Variants in AFF1 observed in about 807,000 individuals in gnomAD.
The protein encoded by AFF1 is AF4/FMR2 family member 1.
In AFF1, 48 loss-of-function variants were observed where a neutral mutation model predicts 121.7. The observed-to-expected ratio is 0.39, with a 90% confidence interval of 0.31 to 0.50. The LOEUF (loss-of-function observed/expected upper bound fraction) is 0.50, where lower values mean the gene tolerates loss of function less well. Among genes scored for constraint, AFF1 ranks in the 20% least tolerant of loss-of-function variants. AFF1 has a pLI of 0.76. For missense variants in AFF1, 1,523 were observed against 1,511.7 expected, an observed-to-expected ratio of 1.01 and a Z score of -0.12; for synonymous variants, 613 against 563.0, an observed-to-expected ratio of 1.09 and a Z score of -1.26.
At chr4:86,982,091 G>T (rs914178379) in intron 2 of AFF1, among the ~76,000 whole-genome samples, 165 of 152,306 alleles carry the variant, frequency 1.1e-3, no homozygotes, top group Non-Finnish European at 2.8e-4. Flanking sequence ...GCTGACTGTG[G>T]GAATGTGCAG....
chr4:86,948,392 T>G, intron 1 of AFF1, 106 bp from the exon 2 acceptor site: 1 of 695,640 alleles, frequency 1.4e-6, no homozygotes, highest in Non-Finnish European at 2.3e-6. Context: ...CTAATTCAAA[T>G]GAGAACTTGG....
intron 12 of AFF1, among the ~76,000 whole-genome samples, chr4:87,120,652 A>C (rs1727596341): frequency 6.6e-6 from 1 of 152,206 alleles, no homozygotes; most frequent in African/African-American, 2.4e-5. Flanking sequence ...CCGGTGAATA[A>C]GGTGGTTACC....
chr4:86,997,317 G>T (rs1725294205), intron 2 of AFF1, among the ~76,000 whole-genome samples: 1 of 152,176 alleles, frequency 6.6e-6, no homozygotes, highest in African/African-American at 2.4e-5. Flanking sequence ...CAGCAAGAAG[G>T]CTTTCACCAG....
At chr4:87,005,291 A>ATTCTGTTATACCATTGTATGG (rs1412317166) in intron 2 of AFF1, among the ~76,000 whole-genome samples, 37 of 152,176 alleles carry the variant, frequency 2.4e-4, no homozygotes, top group African/African-American at 8.2e-4. Context: ...CCCATGTATG[A>ATTCTGTTATACCATTGTATGG]TTCTGTTATA....
intron 1 of AFF1, chr4:86,935,731 G>A (rs537424458): frequency 6.6e-6 from 1 of 152,314 alleles, no homozygotes; most frequent in Non-Finnish European, 1.5e-5. Context: ...GCCGCGTCTC[G>A]CTGAGAGCAG....
At chr4:87,112,338 G>T (rs1426823389) in intron 11 of AFF1, among the ~76,000 whole-genome samples, 1 of 152,082 alleles carries the variant, frequency 6.6e-6, no homozygotes, top group Non-Finnish European at 1.5e-5. Context: ...CTCCCTCTCT[G>T]CCCTTAAATT....
intron 2 of AFF1, among the ~76,000 whole-genome samples, chr4:87,023,285 T>C (rs1728214068): frequency 1.3e-5 from 2 of 152,228 alleles, no homozygotes; most frequent in African/African-American, 4.8e-5. Flanking sequence ...TGTTTTTTGG[T>C]GTCAGTCTCA....
intron 4 of AFF1, among the ~76,000 whole-genome samples, chr4:87,068,462 A>G (rs1380191508): frequency 6.6e-6 from 1 of 152,216 alleles, no homozygotes; most frequent in Non-Finnish European, 1.5e-5. Context: ...CATCTACTTT[A>G]AATCCCATAG....
intron 2 of AFF1, among the ~76,000 whole-genome samples, chr4:87,016,010 G>T (rs137888050): frequency 2.6e-5 from 4 of 152,150 alleles, no homozygotes; most frequent in Non-Finnish European, 2.9e-5. Flanking sequence ...GTGAAACCTC[G>T]TCTCTACTAA....
chr4:87,082,699 G>C (rs1223464360), intron 4 of AFF1, among the ~76,000 whole-genome samples: 1 of 152,132 alleles, frequency 6.6e-6, no homozygotes, highest in Admixed American at 6.5e-5. Context: ...AAAGTGCTGG[G>C]ATTACAGGTG....
chr4:87,009,388 G>A (rs933361468), intron 2 of AFF1, among the ~76,000 whole-genome samples: 7 of 152,222 alleles, frequency 4.6e-5, no homozygotes, highest in Non-Finnish European at 7.3e-5. Context: ...CAGTATAACA[G>A]TACAAAGAAT....
At chr4:87,054,449 T>G (rs559275314) in intron 4 of AFF1, among the ~76,000 whole-genome samples, 1 of 152,332 alleles carries the variant, frequency 6.6e-6, no homozygotes, top group Admixed American at 6.5e-5. Context: ...GTAGCTCATG[T>G]TTTTCATTGT....
chr4:87,120,283 C>G (rs544389205), intron 12 of AFF1, among the ~76,000 whole-genome samples: 3 of 152,320 alleles, frequency 2.0e-5, no homozygotes, highest in East Asian at 3.9e-4. Context: ...GAATCTCCTT[C>G]CGAGGCGAAT....
intron 1 of AFF1, among the ~76,000 whole-genome samples, chr4:86,938,304 G>C (rs1578806293): frequency 6.6e-6 from 1 of 152,068 alleles, no homozygotes; most frequent in East Asian, 1.9e-4. Flanking sequence ...ACAAAAAGTA[G>C]CTGGGCATGA....
At chr4:87,003,326 T>G (rs575280766) in intron 2 of AFF1, among the ~76,000 whole-genome samples, 2 of 152,340 alleles carry the variant, frequency 1.3e-5, no homozygotes, top group South Asian at 2.1e-4. Flanking sequence ...TTCAGTGGTG[T>G]TCTCATAGCT....
Position 87,094,945 on chromosome 4 carries a change from C to T in AFF1, c.1259C>T (p.Ser420Leu). The T allele has an allele frequency of 6.2e-7, 1 of 1,613,938 alleles. No homozygotes were observed. The highest frequency in any genetic ancestry group is 1.1e-5 in the South Asian group (1 of 91,070). Residue 420 changes from serine to leucine, a missense_variant, in exon 8 of 21, where the codon TCA becomes TTA. By Grantham distance (145) the Ser-to-Leu change is moderately radical. Coordinates refer to ENST00000395146, the MANE Select transcript of AFF1 (RefSeq NM_001166693.3). ...TATGATACATCTTCAAAAACTCACT[C>T]AAATTCTCAGCAAGGAACGTCATCG... Reference protein sequence around the residue: ...KQYDTSSKTHSNSQQGTSSML... With the variant: ...KQYDTSSKTHLNSQQGTSSML...
chr4:87,073,596 G>T (rs565828297), intron 4 of AFF1, among the ~76,000 whole-genome samples: 1 of 152,122 alleles, frequency 6.6e-6, no homozygotes, highest in Admixed American at 6.6e-5. Context: ...GCTGGAATAA[G>T]CCCAGGATAA....
At chr4:86,939,684 C>T (rs1003924877) in intron 1 of AFF1, among the ~76,000 whole-genome samples, 3 of 152,192 alleles carry the variant, frequency 2.0e-5, no homozygotes, top group Non-Finnish European at 4.4e-5. Flanking sequence ...TCAGAACATA[C>T]TCATACCATT....
Position 86,943,710 on chromosome 4 carries a change from A to G in AFF1, c.-36-4788A>G, listed in dbSNP as rs543049177. 1.5e-4 allele frequency among the ~76,000 whole-genome samples: 23 copies of G among 152,250 alleles called. No homozygotes were observed. In the East Asian group the frequency reaches 4.3e-3, roughly 28 times the overall value. On this transcript the variant is annotated intron_variant, in intron 1 of 20. Coordinates refer to ENST00000395146, the MANE Select transcript of AFF1 (RefSeq NM_001166693.3). Reference sequence around the variant, plus strand: ...TGCAGTGGCTCATTCCTGTAATCCCAGCACTTTGGGAGGCTGAGGTGGGCA... The same window carrying G: ...TGCAGTGGCTCATTCCTGTAATCCCGGCACTTTGGGAGGCTGAGGTGGGCA...
Sources: gnomAD v4.1 joint callset for allele counts (sites outside exome capture counted in the v4.1 genomes callset) on GRCh38, gnomAD v4.1.1 for gene constraint, MANE v1.5 for transcripts, NCBI Gene and HGNC (gene_info 2026-07-23, HGNC 2026-07-21) for gene names.